NFATC2: variants seen among roughly 807,000 people sequenced by gnomAD.
NFATC2 encodes nuclear factor of activated T-cells, cytoplasmic 2.
A neutral mutation model predicts 87.3 loss-of-function variants in NFATC2; 22 were observed. The observed-to-expected ratio is 0.25, with a 90% CI of 0.18 to 0.36. The LOEUF (loss-of-function observed/expected upper bound fraction) is 0.36. Among genes scored for constraint, NFATC2 ranks in the 10% least tolerant of loss-of-function variants. The pLI, the probability that NFATC2 is intolerant of heterozygous loss-of-function variation, is 1.00. For missense variants in NFATC2, 1,149 were observed against 1,259.1 expected, an observed-to-expected ratio of 0.91 and a Z score of 1.32; for synonymous variants, 565 against 542.2, an observed-to-expected ratio of 1.04 and a Z score of -0.58.
intron 9 of NFATC2, among the ~76,000 whole-genome samples, chr20:51,411,796 G>A (rs996121626): frequency 3.3e-5 from 5 of 152,042 alleles, no homozygotes; most frequent in African/African-American, 7.2e-5. Context: ...CCAAAGTACC[G>A]AAATTCCAGG....
intron 1 of NFATC2, among the ~76,000 whole-genome samples, chr20:51,555,398 C>T (rs1445758496): frequency 2.6e-5 from 4 of 152,186 alleles, no homozygotes; most frequent in African/African-American, 7.2e-5. Context: ...TCGAGACCAT[C>T]CTGGCTAACA....
chr20:51,418,921 C>T (rs1341196427), intron 9 of NFATC2, among the ~76,000 whole-genome samples: 1 of 151,322 alleles, frequency 6.6e-6, no homozygotes, highest in Non-Finnish European at 1.5e-5. Context: ...GCCTCGGCTT[C>T]CCAAAGTGCT....
intron 3 of NFATC2, among the ~76,000 whole-genome samples, chr20:51,477,621 T>A (rs1988874213): frequency 6.9e-6 from 1 of 145,432 alleles, no homozygotes; most frequent in African/African-American, 2.5e-5. Flanking sequence ...TAGAGTTTGA[T>A]GATGTGTTCC....
intron 3 of NFATC2, among the ~76,000 whole-genome samples, chr20:51,500,711 C>T (rs1308587624): frequency 2.7e-5 from 2 of 73,658 alleles, no homozygotes; most frequent in East Asian, 1.0e-3. Context: ...CACCACCCCG[C>T]ACCTCTACCC....
chr20:51,412,367 C>T (rs1219417926), intron 9 of NFATC2, among the ~76,000 whole-genome samples: 1 of 152,180 alleles, frequency 6.6e-6, no homozygotes, highest in Admixed American at 6.5e-5. Flanking sequence ...ACAAGGCCAT[C>T]CTCAGAACCT....
upstream of NFATC2, among the ~76,000 whole-genome samples, chr20:51,547,218 G>T (rs533822883): frequency 2.6e-5 from 4 of 152,166 alleles, no homozygotes; most frequent in Non-Finnish European, 4.4e-5. Flanking sequence ...AGCCGTCCAG[G>T]AAAGAGATAA....
Position 51,505,557 on chromosome 20 carries a change from T to C in NFATC2, c.1332+11227A>G, listed in dbSNP as rs192962030. 5.6e-4 allele frequency among the ~76,000 whole-genome samples: 85 copies of C among 152,214 alleles called. 1 individual carries two copies. The highest frequency in any genetic ancestry group is 5.0e-3 in the Admixed American group (76 of 15,286). ...GCATACGAATGAAATTTTTCGAACC[T>C]GTGCCAGTATTCAGAATAGGCCCCC... On this transcript the variant is annotated intron_variant, in intron 3 of 10. Transcript: ENST00000371564.
At chr20:51,561,719 C>T (rs992174059) in intron 1 of NFATC2, among the ~76,000 whole-genome samples, 5 of 152,130 alleles carry the variant, frequency 3.3e-5, no homozygotes, top group African/African-American at 1.2e-4. Flanking sequence ...CAGCCAGGCC[C>T]TGCAGCCCCC....
chr20:51,447,643 C>T (rs143486571), intron 6 of NFATC2, among the ~76,000 whole-genome samples: 2,037 of 152,334 alleles, frequency 0.013, 21 homozygotes, highest in Middle Eastern at 0.068. Context: ...CCCCCGACTC[C>T]GCCTGAGGCC....
At chr20:51,479,859 C>A (rs1001680405) in intron 3 of NFATC2, among the ~76,000 whole-genome samples, 7 of 152,310 alleles carry the variant, frequency 4.6e-5, no homozygotes, top group African/African-American at 1.4e-4. Flanking sequence ...AGGCTCCGAA[C>A]CCACCCGCTT....
intron 1 of NFATC2, among the ~76,000 whole-genome samples, chr20:51,548,907 T>C (rs924453830): frequency 6.6e-6 from 1 of 152,268 alleles, no homozygotes; most frequent in Non-Finnish European, 1.5e-5. Flanking sequence ...GCCCAGCCTC[T>C]AGCCTGGTTC....
At chr20:51,553,942 C>T (rs1330776028) in intron 1 of NFATC2, among the ~76,000 whole-genome samples, 7 of 152,154 alleles carry the variant, frequency 4.6e-5, no homozygotes, top group Admixed American at 3.3e-4. Context: ...CTCAGTCACC[C>T]AAGCTGTCTT....
Position 51,394,594 on chromosome 20 carries a change from T to TC in NFATC2, c.*45-3144dup, listed in dbSNP as rs532542965. ...TCCCCTGCTGCGCTGATGCTCTCCT[T>TC]CCCCCCATATCCCTTAGATGATGCC... On this transcript the variant is annotated intron_variant, in intron 10 of 10. Coordinates refer to ENST00000371564, the MANE Select transcript of NFATC2 (RefSeq NM_012340.5). Among the ~76,000 whole-genome samples, 946 of 151,810 alleles carry TC rather than the reference T, an allele frequency of 6.2e-3. 6 individuals are homozygous for TC. Among genetic ancestry groups the TC allele is most frequent in the Non-Finnish European group, 0.01 (708 of 67,972 alleles).
chr20:51,540,658 G>GTTTTTTTTTTTTTTTTTTTTTTTTT (rs397864888), intron 1 of NFATC2, among the ~76,000 whole-genome samples: 9 of 110,076 alleles, frequency 8.2e-5, no homozygotes, highest in African/African-American at 3.3e-4. Flanking sequence ...TTTTTTTTTT[G>GTTTTTTTTTTTTTTTTTTTTTTTTT]TTTTTTTTTT....
At chr20:51,430,909 T>C (rs1384724546) in intron 9 of NFATC2, among the ~76,000 whole-genome samples, 1 of 152,222 alleles carries the variant, frequency 6.6e-6, no homozygotes, top group Non-Finnish European at 1.5e-5. Context: ...TATCAGACGC[T>C]ACTGCCTATA....
chr20:51,398,729 C>T lies in NFATC2; in HGVS notation c.2724G>A (p.Glu908=). The T allele has an allele frequency of 2.5e-6, 4 of 1,608,018 alleles. No individual in the cohort carries two copies. Among genetic ancestry groups the T allele is most frequent in the Non-Finnish European group, 3.4e-6 (4 of 1,175,774 alleles). Residue 908 remains glutamate (E), a splice_region_variant and synonymous_variant, in exon 10 of 11, where the codon GAG becomes GAA. Coordinates refer to ENST00000371564, the MANE Select transcript of NFATC2 (RefSeq NM_012340.5). The part of the protein sequence containing the change: ...QNLDQTYLDD[E]LIDTHLSWIQ... ...TCCAGCTAAGGTGTGTGTCTATCAG[C>T]TCTGAAAAAGATTTGCAAAATCATT...
At chr20:51,526,958 G>A (rs113612286) in intron 1 of NFATC2, among the ~76,000 whole-genome samples, 5,900 of 152,150 alleles carry the variant, frequency 0.039, 344 homozygotes, top group African/African-American at 0.13. Flanking sequence ...AAGTGCTGTG[G>A]CGCAATAATA....
At chr20:51,482,205 A>C (rs1600838525) in intron 3 of NFATC2, among the ~76,000 whole-genome samples, 1 of 152,110 alleles carries the variant, frequency 6.6e-6, no homozygotes. Flanking sequence ...GAGACACACA[A>C]ACATGGCCTC....
intron 3 of NFATC2, among the ~76,000 whole-genome samples, chr20:51,482,016 C>T (rs1275343082): frequency 6.6e-6 from 1 of 152,166 alleles, no homozygotes; most frequent in African/African-American, 2.4e-5. Context: ...GCTCACTATC[C>T]TACAGGTCAT....
Sources: allele counts gnomAD v4.1 joint callset (sites outside exome capture counted in the v4.1 genomes callset), GRCh38; gene constraint gnomAD v4.1.1; transcripts MANE v1.5; gene names NCBI Gene and HGNC (gene_info 2026-07-23, HGNC 2026-07-21).